Variants in PTK2 observed in about 807,000 individuals in gnomAD.
PTK2 encodes focal adhesion kinase 1.
PTK2 carries 45 observed loss-of-function variants against 150.1 expected under a neutral mutation model. The observed-to-expected ratio is 0.30, with a 90% confidence interval of 0.24 to 0.38. The LOEUF (loss-of-function observed/expected upper bound fraction) is 0.38. PTK2 is among the 10% of genes least tolerant of loss of function. The pLI is 1.00. For synonymous variants in PTK2, 432 were observed against 449.2 expected, an observed-to-expected ratio of 0.96 and a Z score of 0.48; for missense variants, 919 against 1,307.3, an observed-to-expected ratio of 0.70 and a Z score of 4.58.
chr8:140,662,904 T>A, intron 31 of PTK2: 1 of 408,168 alleles, frequency 2.4e-6, no homozygotes, highest in South Asian at 1.0e-4. Flanking sequence ...GTCAAAAATG[T>A]CAATGTCATG....
At chr8:140,875,647 C>A (rs980852994) in intron 4 of PTK2, among the ~76,000 whole-genome samples, 1 of 152,198 alleles carries the variant, frequency 6.6e-6, no homozygotes. Context: ...TCAGCTCCCT[C>A]CTTAAAAATA....
intron 14 of PTK2, among the ~76,000 whole-genome samples, chr8:140,784,688 A>G (rs1220080113): frequency 1.3e-5 from 2 of 152,196 alleles, no homozygotes; most frequent in Non-Finnish European, 2.9e-5. Context: ...CCCGAGCTCC[A>G]CAACAAGCAC....
chr8:140,890,662 T>C (rs2100153922), exon 3 of PTK2: 2 of 1,614,014 alleles, frequency 1.2e-6, no homozygotes, highest in East Asian at 2.2e-5. Flanking sequence ...GAACGTTCCA[T>C]ACCAGTACCC....
At chr8:140,886,340 G>A (rs1312363463) in intron 3 of PTK2, among the ~76,000 whole-genome samples, 1 of 152,196 alleles carries the variant, frequency 6.6e-6, no homozygotes, top group Non-Finnish European at 1.5e-5. Flanking sequence ...TGAAGAAAGT[G>A]GACGAGGTAT....
At chr8:140,697,454 G>GT (rs1157625458) in intron 26 of PTK2, among the ~76,000 whole-genome samples, 4 of 134,372 alleles carry the variant, frequency 3.0e-5, no homozygotes, top group East Asian at 4.7e-4. Context: ...GTGTGTGTGT[G>GT]TTTTTAAACG....
intron 26 of PTK2, among the ~76,000 whole-genome samples, chr8:140,696,562 T>A (rs1180715324): frequency 6.6e-6 from 1 of 152,124 alleles, no homozygotes; most frequent in Non-Finnish European, 1.5e-5. Flanking sequence ...AGGTCAACAA[T>A]GCCCAGGCTG....
intron 17 of PTK2, chr8:140,747,116 T>C (rs2100059392): frequency 3.2e-6 from 1 of 312,870 alleles, no homozygotes; most frequent in Non-Finnish European, 6.0e-6. Flanking sequence ...GGTCTCGATC[T>C]CTTGACCTCA....
chr8:140,826,383 T>C (rs1308905478), intron 8 of PTK2, among the ~76,000 whole-genome samples: 3 of 152,194 alleles, frequency 2.0e-5, no homozygotes, highest in Non-Finnish European at 2.9e-5. Flanking sequence ...AGAATTTATG[T>C]CAAATGTGAA....
intron 16 of PTK2, among the ~76,000 whole-genome samples, chr8:140,755,790 T>C (rs28421850): frequency 0.024 from 3,693 of 152,292 alleles, 157 homozygotes; most frequent in African/African-American, 0.085. Context: ...AAGAATTAAC[T>C]GAACCTTAAA....
chr8:140,880,436 G>T (rs1397492825), intron 3 of PTK2, among the ~76,000 whole-genome samples: 1 of 152,120 alleles, frequency 6.6e-6, no homozygotes, highest in Non-Finnish European at 1.5e-5. Flanking sequence ...TTGTTAAGTG[G>T]GCAGCATGTA....
Position 140,902,924 on chromosome 8 carries a change from G to GTTTTTTGTTTTTTTTT in PTK2, c.-32-12156_-32-12155insAAAAAAAAACAAAAAA, listed in dbSNP as rs2100159140. ...TTGCCTGTTCACTCTGATGAGAGTT[G>GTTTTTTGTTTTTTTTT]TTTTTTTTTTTTTTTTTTTTTTTTT... On this transcript the variant is annotated intron_variant, in intron 2 of 31. Coordinates refer to ENST00000522684, the Ensembl canonical transcript of PTK2. 1.9e-4 allele frequency among the ~76,000 whole-genome samples: 11 copies of GTTTTTTGTTTTTTTTT among 58,950 alleles called. 1 individual carries two copies. The highest frequency in any genetic ancestry group is 4.2e-4 in the Non-Finnish European group (11 of 26,326). 38.7% of individuals were successfully genotyped at this position (58,950 alleles called of 152,430 possible). A position where few individuals can be genotyped will look rare whatever the true frequency, so the allele number is the denominator to read the frequency against.
intron 27 of PTK2, among the ~76,000 whole-genome samples, chr8:140,684,247 A>G (rs1259127529): frequency 2.6e-5 from 4 of 152,146 alleles, no homozygotes; most frequent in Non-Finnish European, 5.9e-5. Context: ...TTGGGATGAA[A>G]CTGTCCCATC....
chr8:140,937,477 C>T (rs1166765850), intron 1 of PTK2, among the ~76,000 whole-genome samples: 1 of 151,576 alleles, frequency 6.6e-6, no homozygotes, highest in Non-Finnish European at 1.5e-5. Flanking sequence ...TTAAAGTATA[C>T]TCTAATTGGC....
intron 4 of PTK2, among the ~76,000 whole-genome samples, chr8:140,868,622 T>C (rs965700460): frequency 6.6e-6 from 1 of 152,190 alleles, no homozygotes; most frequent in Non-Finnish European, 1.5e-5. Context: ...CATTATGGAC[T>C]TCCTGATACA....
chr8:140,728,676 C>T (rs775877479), intron 22 of PTK2, among the ~76,000 whole-genome samples: 10 of 152,134 alleles, frequency 6.6e-5, no homozygotes, highest in South Asian at 4.1e-4. Flanking sequence ...TCTGCCACCA[C>T]GCCCGGCTAT....
At chr8:140,752,423 A>G (rs1311753312) in intron 16 of PTK2, 107 bp from the exon 20 acceptor site, 1 of 919,234 alleles carries the variant, frequency 1.1e-6, no homozygotes, top group African/African-American at 1.7e-5. Context: ...TATGGACCAG[A>G]CAGAATCAGA....
intron 27 of PTK2, among the ~76,000 whole-genome samples, chr8:140,685,329 C>G (rs1487538994): frequency 6.6e-6 from 1 of 152,126 alleles, no homozygotes; most frequent in Non-Finnish European, 1.5e-5. Context: ...TGGACATAGG[C>G]CCTTGCAAAG....
chr8:140,992,291 C>CGG (rs34880880), intron 1 of PTK2, among the ~76,000 whole-genome samples: 1 of 128,424 alleles, frequency 7.8e-6, no homozygotes, highest in East Asian at 2.4e-4. Context: ...GACTTCATCT[C>CGG]GGAAAAAAAA....
chr8:140,874,767 A>C (rs929759735), intron 4 of PTK2, among the ~76,000 whole-genome samples: 1 of 152,220 alleles, frequency 6.6e-6, no homozygotes, highest in Non-Finnish European at 1.5e-5. Context: ...TTAATATGGT[A>C]ATACTGTTAT....
Sources: gnomAD v4.1 joint callset for allele counts (sites outside exome capture counted in the v4.1 genomes callset) on GRCh38, gnomAD v4.1.1 for gene constraint, MANE v1.5 for transcripts, NCBI Gene and HGNC (gene_info 2026-07-23, HGNC 2026-07-21) for gene names.